EXOC4: variants seen among roughly 807,000 people sequenced by gnomAD.
The protein encoded by EXOC4 is SEC8-like 1.
A neutral mutation model predicts 107.2 loss-of-function variants in EXOC4; 71 were observed. That is an observed-to-expected ratio of 0.66 (90% CI 0.55 to 0.81). The LOEUF (loss-of-function observed/expected upper bound fraction) is 0.81. Ranked by LOEUF, EXOC4 falls within the 30% of genes least tolerant of loss-of-function variation. The probability of loss-of-function intolerance (pLI) is 0.00; values close to 1 mark genes in which losing one functional copy is unlikely to be tolerated. For synonymous variants in EXOC4, 456 were observed against 441.2 expected (o/e 1.03, Z -0.42); for missense variants, 1,108 against 1,189.6 (o/e 0.93, Z 1.01).
chr7:133,685,992 T>G (rs1794289684), intron 10 of EXOC4, among the ~76,000 whole-genome samples: 1 of 152,178 alleles, frequency 6.6e-6, no homozygotes, highest in Non-Finnish European at 1.5e-5. Flanking sequence ...CTTGTTTCAT[T>G]TAAGATAACC....
chr7:133,918,583 A>G (rs969701743), intron 13 of EXOC4, among the ~76,000 whole-genome samples: 8 of 152,324 alleles, frequency 5.3e-5, no homozygotes, highest in Non-Finnish European at 8.8e-5. Flanking sequence ...CTATGTTTCA[A>G]CAAAAGTAGA....
At chr7:134,080,755 C>G in the EXOC4 span, among the ~76,000 whole-genome samples, 1 of 151,804 alleles carries the variant, frequency 6.6e-6, no homozygotes, top group South Asian at 2.1e-4. Flanking sequence ...GCCCAGGCAA[C>G]ATAGCAAGAC....
intron 9 of EXOC4, among the ~76,000 whole-genome samples, chr7:133,522,507 ATATAT>A (rs1159411032): frequency 6.6e-6 from 1 of 152,150 alleles, no homozygotes; most frequent in Non-Finnish European, 1.5e-5. Flanking sequence ...ATAACAAATA[ATATAT>A]TATCATATAT....
chr7:133,938,713 A>G (rs867295659), intron 14 of EXOC4, among the ~76,000 whole-genome samples: 29 of 152,376 alleles, frequency 1.9e-4, no homozygotes, highest in Middle Eastern at 3.4e-3. Context: ...CTATAAAATT[A>G]TATTTAAAGC....
At chr7:133,596,217 A>G (rs1003093588) in intron 9 of EXOC4, among the ~76,000 whole-genome samples, 1 of 152,060 alleles carries the variant, frequency 6.6e-6, no homozygotes, top group African/African-American at 2.4e-5. Flanking sequence ...TGGTTATTTT[A>G]TTTCACATTG....
intron 7 of EXOC4, among the ~76,000 whole-genome samples, chr7:133,416,834 G>C (rs771473439): frequency 5.9e-5 from 9 of 152,198 alleles, no homozygotes; most frequent in Non-Finnish European, 1.2e-4. Context: ...TGTTGGAGTA[G>C]AGGAGGAGCT....
At chr7:133,545,893 T>C (rs994942154) in intron 9 of EXOC4, among the ~76,000 whole-genome samples, 27 of 152,216 alleles carry the variant, frequency 1.8e-4, no homozygotes, top group African/African-American at 6.5e-4. Context: ...TGAAAATCCC[T>C]GATTACCAAT....
intron 10 of EXOC4, among the ~76,000 whole-genome samples, chr7:133,786,638 T>C (rs946548845): frequency 1.3e-5 from 2 of 152,240 alleles, no homozygotes; most frequent in African/African-American, 4.8e-5. Flanking sequence ...GCATTTTTCC[T>C]CAGGCTTAAG....
intron 10 of EXOC4, among the ~76,000 whole-genome samples, chr7:133,775,659 A>G (rs1456385446): frequency 6.6e-6 from 1 of 152,176 alleles, no homozygotes; most frequent in East Asian, 1.9e-4. Flanking sequence ...CAGTTAAAGC[A>G]TCAAAATGTC....
chr7:133,364,039 T>C (rs1796192135), intron 6 of EXOC4, among the ~76,000 whole-genome samples: 1 of 152,168 alleles, frequency 6.6e-6, no homozygotes, highest in Admixed American at 6.5e-5. Flanking sequence ...CTTGCTATAG[T>C]CTCTAATCAG....
intron 1 of EXOC4, among the ~76,000 whole-genome samples, chr7:133,266,360 A>G (rs1434602654): frequency 6.6e-6 from 1 of 152,122 alleles, no homozygotes; most frequent in African/African-American, 2.4e-5. Context: ...GAGATTCAAC[A>G]TTTGAATTTG....
In EXOC4 at chr7:133,409,486, T is replaced by C. The variant is rs1777535495; in HGVS notation, c.1182+34484T>C. 3.9e-5 allele frequency among the ~76,000 whole-genome samples: 6 copies of C among 152,178 alleles called. No homozygotes were observed. In the South Asian group the frequency reaches 1.2e-3, roughly 32 times the overall value. On this transcript the variant is annotated intron_variant, in intron 7 of 17. Transcript: ENST00000253861. The stretch of plus-strand genomic sequence containing the variant: ...AGGCTAAATTTCTTTATCTTTAAAA[T>C]GTTTCCAAAAATGGCCAGAGGAGTT...
At chr7:133,322,179 C>T (rs1795128025) in intron 5 of EXOC4, among the ~76,000 whole-genome samples, 2 of 152,188 alleles carry the variant, frequency 1.3e-5, no homozygotes, top group Admixed American at 1.3e-4. Context: ...TGCGTGTTCA[C>T]TCTGATGATA....
intron 5 of EXOC4, among the ~76,000 whole-genome samples, chr7:133,329,382 A>G (rs951863943): frequency 2.0e-5 from 3 of 152,164 alleles, no homozygotes; most frequent in South Asian, 2.1e-4. Flanking sequence ...TTTAACTTGG[A>G]GAAGTTTGTT....
chr7:133,740,381 TC>T lies in EXOC4; in HGVS notation c.1515-76941del, dbSNP rs570089360. On this transcript the variant is annotated intron_variant, in intron 10 of 17. Transcript: ENST00000253861. Reference sequence around the variant, plus strand: ...GCATGTACATTAATACTAAGACCTGTCCCTTAAACTTCAGGTTCTTGATCTT... The same window carrying T: ...GCATGTACATTAATACTAAGACCTGTCCTTAAACTTCAGGTTCTTGATCTT... Among the ~76,000 whole-genome samples, 180 of 152,312 alleles carry T rather than the reference TC, an allele frequency of 1.2e-3. 1 individual carries two copies. The highest frequency in any genetic ancestry group is 4.2e-3 in the African/African-American group (174 of 41,560).
intron 10 of EXOC4, among the ~76,000 whole-genome samples, chr7:133,645,965 A>G (rs867639631): frequency 5.9e-5 from 9 of 152,180 alleles, no homozygotes; most frequent in Middle Eastern, 3.2e-3. Context: ...CCTGTGTTTG[A>G]TTAAAAATGA....
chr7:133,582,032 C>T (rs1801289470), intron 9 of EXOC4, among the ~76,000 whole-genome samples: 1 of 152,056 alleles, frequency 6.6e-6, no homozygotes, highest in African/African-American at 2.4e-5. Flanking sequence ...ATGATTTAAT[C>T]ACCCCCTACC....
At chr7:134,079,585 A>G in the EXOC4 span, among the ~76,000 whole-genome samples, 1,181 of 152,154 alleles carry the variant, frequency 7.8e-3, 21 homozygotes, top group African/African-American at 0.028. Flanking sequence ...ACCTCTGGAG[A>G]GTGTGTTCTG....
chr7:133,487,912 G>GA (rs1217672711), intron 9 of EXOC4, among the ~76,000 whole-genome samples: 1 of 152,074 alleles, frequency 6.6e-6, no homozygotes. Context: ...AGGCCCACAA[G>GA]AAAGTATATT....
Sources: allele counts gnomAD v4.1 joint callset (sites outside exome capture counted in the v4.1 genomes callset), GRCh38; gene constraint gnomAD v4.1.1; transcripts MANE v1.5; gene names NCBI Gene and HGNC (gene_info 2026-07-23, HGNC 2026-07-21).